Variants in MCPH1 observed in about 807,000 individuals in gnomAD.
The protein encoded by MCPH1 is microcephalin 1, also known as microcephalin.
MCPH1 carries 104 observed loss-of-function variants against 84.5 expected under a neutral mutation model. That is an observed-to-expected ratio of 1.23 (90% CI 1.05 to 1.45). The LOEUF (loss-of-function observed/expected upper bound fraction) is 1.45, where lower values mean the gene tolerates loss of function less well. Ranked by LOEUF, MCPH1 falls within the 40% of genes most tolerant of loss-of-function variation. The pLI, the probability that MCPH1 is intolerant of heterozygous loss-of-function variation, is 0.00. For missense variants in MCPH1, 1,498 were observed against 1,005.7 expected, an observed-to-expected ratio of 1.49 and a Z score of -6.62; for synonymous variants, 514 against 366.8, an observed-to-expected ratio of 1.40 and a Z score of -4.58.
chr8:6,458,573 G>A lies in MCPH1; in HGVS notation c.1935+3321G>A, dbSNP rs190899675. ...TTTGATAGCAATATAGATGAAGGACGTGTTTTATTATTTTACAGGTTAGAA... is the reference window on the plus strand; with the variant it reads ...TTTGATAGCAATATAGATGAAGGACATGTTTTATTATTTTACAGGTTAGAA... On this transcript the variant is annotated intron_variant, in intron 9 of 13. Coordinates refer to ENST00000344683, the MANE Select transcript of MCPH1 (RefSeq NM_024596.5). 7.2e-4 allele frequency among the ~76,000 whole-genome samples: 110 copies of A among 152,098 alleles called. 2 individuals are homozygous for A. The East Asian group carries it at 0.019, about 26-fold the overall frequency.
chr8:6,491,160 T>G (rs191079543), intron 11 of MCPH1, among the ~76,000 whole-genome samples: 1 of 151,674 alleles, frequency 6.6e-6, no homozygotes, highest in African/African-American at 2.4e-5. Flanking sequence ...ATACATTTCT[T>G]AAAATCTCTC....
chr8:6,609,922 T>C (rs906295723), intron 12 of MCPH1, among the ~76,000 whole-genome samples: 2 of 149,234 alleles, frequency 1.3e-5, no homozygotes, highest in Admixed American at 1.4e-4. Context: ...ACCTCCTTTT[T>C]TGTCTGGATA....
rs1488624629 is a variant in MCPH1 at position 6,645,022 on chromosome 8, CAT to C, written c.*1976_*1977del. 1 of 152,256 alleles carries C rather than the reference CAT, an allele frequency of 6.6e-6. No individual in the cohort carries two copies. The highest frequency in any genetic ancestry group is 1.9e-4 in the East Asian group (1 of 5,204). 9.4% of individuals were successfully genotyped at this position (152,256 alleles called of 1,614,324 possible). A position where few individuals can be genotyped will look rare whatever the true frequency, so the allele number is the denominator to read the frequency against. ...TCCTGAGTTCACTCGCTTCACATTA[CAT>C]ATGTTTCTCTATAACCACAAGCATC... On this transcript the variant is annotated 3_prime_UTR_variant, in exon 14 of 14. Coordinates refer to ENST00000344683, the MANE Select transcript of MCPH1 (RefSeq NM_024596.5).
At chr8:6,605,286 C>T (rs1206753962) in intron 12 of MCPH1, among the ~76,000 whole-genome samples, 1 of 152,158 alleles carries the variant, frequency 6.6e-6, no homozygotes, top group Non-Finnish European at 1.5e-5. Flanking sequence ...TGCCCTTTCT[C>T]TCCTCCCTGC....
At chr8:6,521,731 A>G (rs527616585) in intron 12 of MCPH1, among the ~76,000 whole-genome samples, 1 of 152,338 alleles carries the variant, frequency 6.6e-6, no homozygotes, top group South Asian at 2.1e-4. Flanking sequence ...CTCAGAAGAA[A>G]GGTGCTGCTC....
intron 12 of MCPH1, among the ~76,000 whole-genome samples, chr8:6,545,873 G>T (rs769463547): frequency 6.6e-6 from 1 of 152,192 alleles, no homozygotes; most frequent in Non-Finnish European, 1.5e-5. Context: ...TCTGCTTTGA[G>T]CTACTGCAAT....
intron 3 of MCPH1, among the ~76,000 whole-genome samples, chr8:6,418,197 C>G (rs529777511): frequency 6.6e-6 from 1 of 152,224 alleles, no homozygotes; most frequent in African/African-American, 2.4e-5. Context: ...CTGGTCTCTT[C>G]AGCGAGAAAG....
At chr8:6,528,013 A>C (rs1818705645) in intron 12 of MCPH1, among the ~76,000 whole-genome samples, 1 of 150,368 alleles carries the variant, frequency 6.7e-6, no homozygotes, top group African/African-American at 2.4e-5. Context: ...CTTCTGCCTC[A>C]TTCTCCCCAG....
chr8:6,470,396 A>C (rs1585959613), intron 9 of MCPH1, among the ~76,000 whole-genome samples: 1 of 151,894 alleles, frequency 6.6e-6, no homozygotes, highest in Non-Finnish European at 1.5e-5. Flanking sequence ...CGATTCTCCT[A>C]CCTCAGCCTC....
chr8:6,451,199 A>C (rs1483627109), intron 8 of MCPH1, among the ~76,000 whole-genome samples: 1 of 152,230 alleles, frequency 6.6e-6, no homozygotes, highest in Non-Finnish European at 1.5e-5. Context: ...TGGGGCTGCA[A>C]AACTAAGCAA....
At chr8:6,497,726 GCT>G (rs1292145134) in intron 11 of MCPH1, among the ~76,000 whole-genome samples, 1 of 152,178 alleles carries the variant, frequency 6.6e-6, no homozygotes, top group African/African-American at 2.4e-5. Context: ...GTGTATGGGA[GCT>G]CTCTGTACCT....
chr8:6,624,587 G>A (rs1402069795), intron 13 of MCPH1, among the ~76,000 whole-genome samples: 1 of 152,166 alleles, frequency 6.6e-6, no homozygotes, highest in African/African-American at 2.4e-5. Context: ...CTGCAGCTAT[G>A]TACGAATAAA....
intron 12 of MCPH1, among the ~76,000 whole-genome samples, chr8:6,591,792 C>G (rs1828475992): frequency 6.6e-6 from 1 of 152,096 alleles, no homozygotes; most frequent in African/African-American, 2.4e-5. Flanking sequence ...GTCTAACCCC[C>G]TAGAATTCCT....
At chr8:6,642,817 T>G in intron 13 of MCPH1, 177 bp from the exon 14 acceptor site, 1 of 671,496 alleles carries the variant, frequency 1.5e-6, no homozygotes, top group South Asian at 1.6e-5. Flanking sequence ...GTATTGAATT[T>G]CGTTTCACGT....
In MCPH1 at chr8:6,476,389, A is replaced by G. The variant is rs183172930; in HGVS notation, c.1936-1205A>G. Among the ~76,000 whole-genome samples the G allele has an allele frequency of 2.4e-3, 359 of 149,416 alleles. 4 individuals are homozygous for G. Among genetic ancestry groups the G allele is most frequent in the African/African-American group, 8.6e-3 (349 of 40,592 alleles). ...GGTTGCAGTGAGCCGAGATTGCACC[A>G]TTGCACTCCAGTCTGGGCAACAAGA... On this transcript the variant is annotated intron_variant, in intron 9 of 13. Coordinates refer to ENST00000344683, the MANE Select transcript of MCPH1 (RefSeq NM_024596.5).
At chr8:6,466,987 C>G (rs11990038) in intron 9 of MCPH1, among the ~76,000 whole-genome samples, 7,527 of 152,140 alleles carry the variant, frequency 0.049, 406 homozygotes, top group African/African-American at 0.13. Context: ...TGATATTAAT[C>G]CAGGGTAATT....
chr8:6,583,357 A>G (rs2129577178), intron 12 of MCPH1, among the ~76,000 whole-genome samples: 1 of 152,330 alleles, frequency 6.6e-6, no homozygotes, highest in South Asian at 2.1e-4. Flanking sequence ...TGTTATAAAT[A>G]ATACACAAAC....
intron 3 of MCPH1, among the ~76,000 whole-genome samples, chr8:6,419,336 C>G (rs1055110253): frequency 6.6e-6 from 1 of 152,102 alleles, no homozygotes; most frequent in Non-Finnish European, 1.5e-5. Context: ...CCTCTCACCC[C>G]AGCCCTCCCT....
Position 6,440,963 on chromosome 8 carries a change from T to C in MCPH1, c.581-1104T>C, listed in dbSNP as rs142676578. ...CTTTAAGAAACTAGGTTCCCATCTT[T>C]CTGTTGTACCTGCCTGGCTTTTCTT... On this transcript the variant is annotated intron_variant, in intron 6 of 13. Transcript: ENST00000344683. Among the ~76,000 whole-genome samples, 216 of 152,312 alleles carry C rather than the reference T, an allele frequency of 1.4e-3. 2 individuals carry two copies. The highest frequency in any genetic ancestry group is 5.1e-3 in the African/African-American group (212 of 41,576).
Sources: allele counts gnomAD v4.1 joint callset (sites outside exome capture counted in the v4.1 genomes callset), GRCh38; gene constraint gnomAD v4.1.1; transcripts MANE v1.5; gene names NCBI Gene and HGNC (gene_info 2026-07-23, HGNC 2026-07-21).